Variants in ERC2 observed in about 807,000 individuals in gnomAD.
ERC2 encodes ERC protein 2.
In ERC2, 42 loss-of-function variants were observed where a neutral mutation model predicts 114.8. The ratio of observed to expected loss-of-function variants is 0.37; its 90% CI spans 0.29 to 0.47. The LOEUF (loss-of-function observed/expected upper bound fraction) is 0.47. Among genes scored for constraint, ERC2 ranks in the 20% least tolerant of loss-of-function variants. ERC2 has a pLI of 0.99. For missense variants in ERC2, 939 were observed against 1,150.7 expected (o/e 0.82, Z 2.66); for synonymous variants, 454 against 425.5 (o/e 1.07, Z -0.82).
At chr3:56,012,104 T>C (rs371333797) in intron 8 of ERC2, among the ~76,000 whole-genome samples, 2 of 152,186 alleles carry the variant, frequency 1.3e-5, no homozygotes, top group African/African-American at 4.8e-5. Context: ...CTAGTTTACC[T>C]ACCTGTGACA....
chr3:56,319,405 A>T (rs957218684), intron 2 of ERC2, among the ~76,000 whole-genome samples: 1 of 152,246 alleles, frequency 6.6e-6, no homozygotes. Flanking sequence ...AAGAACAAAC[A>T]TTACGTGATT....
chr3:55,792,975 G>A (rs536935133), intron 14 of ERC2, among the ~76,000 whole-genome samples: 1 of 152,338 alleles, frequency 6.6e-6, no homozygotes, highest in Non-Finnish European at 1.5e-5. Context: ...CATGCCTGGT[G>A]ATGCTATAAC....
chr3:56,204,320 G>A (rs1243850235), intron 3 of ERC2, among the ~76,000 whole-genome samples: 1 of 152,124 alleles, frequency 6.6e-6, no homozygotes, highest in African/African-American at 2.4e-5. Flanking sequence ...GTGGTACACA[G>A]TAGGTATTCA....
chr3:55,947,266 A>G (rs896496794), intron 13 of ERC2, among the ~76,000 whole-genome samples: 7 of 125,266 alleles, frequency 5.6e-5, no homozygotes, highest in African/African-American at 2.3e-4. Flanking sequence ...ACCACCCTCA[A>G]CTATATCCAC....
intron 2 of ERC2, among the ~76,000 whole-genome samples, chr3:56,375,753 C>T (rs564319921): frequency 6.6e-6 from 1 of 152,184 alleles, no homozygotes; most frequent in Non-Finnish European, 1.5e-5. Flanking sequence ...ATTCCCTCTA[C>T]TTGATTGTGG....
intron 3 of ERC2, among the ~76,000 whole-genome samples, chr3:56,200,348 G>GAAAAAAAA (rs5849133): frequency 7.1e-6 from 1 of 141,350 alleles, no homozygotes. Context: ...ATACTCAGGG[G>GAAAAAAAA]AAAAAAAAAA....
At chr3:55,583,519 CCCTCCCTTCCTT>C (rs1278735105) in intron 17 of ERC2, among the ~76,000 whole-genome samples, 1 of 40,014 alleles carries the variant, frequency 2.5e-5, no homozygotes, top group Non-Finnish European at 4.7e-5. Context: ...CTCCCTCCCT[CCCTCCCTTCCTT>C]CCTTCCTTCC....
chr3:55,941,925 TC>T (rs1293147399), intron 13 of ERC2, among the ~76,000 whole-genome samples: 1 of 152,186 alleles, frequency 6.6e-6, no homozygotes, highest in Non-Finnish European at 1.5e-5. Context: ...TGATAGAATA[TC>T]CTGTTATAAA....
chr3:55,891,771 A>G (rs1223724804), intron 13 of ERC2, among the ~76,000 whole-genome samples: 7 of 151,980 alleles, frequency 4.6e-5, no homozygotes, highest in Non-Finnish European at 1.0e-4. Flanking sequence ...GCTTGCCTCC[A>G]TCTCCCCATC....
chr3:55,772,461 C>T lies in ERC2; in HGVS notation c.2565-37543G>A, dbSNP rs184111479. Among the ~76,000 whole-genome samples, 1,172 of 151,922 alleles carry T rather than the reference C, an allele frequency of 7.7e-3. 15 individuals carry two copies. Among genetic ancestry groups the T allele is most frequent in the African/African-American group, 0.027 (1,118 of 41,392 alleles). ...CCCTGAGTACCTGGGACTACAGGCA[C>T]CCGCCACCACGCCTGGCTAAATTTT... On this transcript the variant is annotated intron_variant, in intron 14 of 17. Transcript: ENST00000288221.
intron 14 of ERC2, among the ~76,000 whole-genome samples, chr3:55,799,344 CT>C (rs1422767773): frequency 2.7e-4 from 39 of 142,930 alleles, no homozygotes; most frequent in Admixed American, 4.2e-4. Context: ...CTTCGGTATT[CT>C]TCCAGGACCA....
intron 2 of ERC2, among the ~76,000 whole-genome samples, chr3:56,360,895 G>A (rs1312833492): frequency 6.6e-6 from 1 of 152,102 alleles, no homozygotes; most frequent in Non-Finnish European, 1.5e-5. Flanking sequence ...GTGACAGAGT[G>A]AGACTCCATC....
rs141255871 is a variant in ERC2, at chr3:55,684,357, T to G, written c.2848-498A>C. Among the ~76,000 whole-genome samples the G allele has an allele frequency of 2.3e-3, 351 of 151,540 alleles. 2 individuals are homozygous for G. Among genetic ancestry groups the G allele is most frequent in the African/African-American group, 8.1e-3 (334 of 41,298 alleles). ...ACACACACAACTCCATCTACTGGGG[T>G]GGAACAAACTTTTTCAGCATGCGAT... On this transcript the variant is annotated intron_variant, in intron 16 of 17. Transcript: ENST00000288221.
chr3:55,896,127 A>G (rs904615542), intron 13 of ERC2, among the ~76,000 whole-genome samples: 1 of 152,100 alleles, frequency 6.6e-6, no homozygotes, highest in Admixed American at 6.5e-5. Flanking sequence ...CCTTTCCTTC[A>G]TTCCACCACC....
intron 17 of ERC2, among the ~76,000 whole-genome samples, chr3:55,587,058 T>C (rs2057640632): frequency 6.6e-6 from 1 of 152,268 alleles, no homozygotes; most frequent in Non-Finnish European, 1.5e-5. Context: ...ATAAATGTAG[T>C]ACAAATTTGC....
intron 14 of ERC2, among the ~76,000 whole-genome samples, chr3:55,788,227 T>A (rs1035717585): frequency 4.6e-5 from 7 of 152,320 alleles, no homozygotes; most frequent in African/African-American, 1.4e-4. Context: ...GGGATGTAGA[T>A]CTACATGTCT....
chr3:55,909,509 G>A (rs1386273349), intron 13 of ERC2, among the ~76,000 whole-genome samples: 2 of 151,942 alleles, frequency 1.3e-5, no homozygotes, highest in Non-Finnish European at 2.9e-5. Flanking sequence ...TGCGGTGGCT[G>A]TGTAGATCTC....
chr3:56,068,848 G>A (rs926264151), intron 7 of ERC2, among the ~76,000 whole-genome samples: 4 of 152,204 alleles, frequency 2.6e-5, no homozygotes, highest in African/African-American at 9.6e-5. Context: ...GTAGTTGTGT[G>A]GTTTTGAGTG....
chr3:56,029,907 G>C (rs535343051), intron 7 of ERC2, among the ~76,000 whole-genome samples: 1 of 151,988 alleles, frequency 6.6e-6, no homozygotes, highest in African/African-American at 2.4e-5. Flanking sequence ...TAGGAACTTG[G>C]AGTATTCATT....
Sources: allele counts gnomAD v4.1 joint callset (sites outside exome capture counted in the v4.1 genomes callset), GRCh38; gene constraint gnomAD v4.1.1; transcripts MANE v1.5; gene names NCBI Gene and HGNC (gene_info 2026-07-23, HGNC 2026-07-21).